Variants in ITGA9 observed in about 807,000 individuals in gnomAD.
ITGA9 encodes integrin subunit alpha 9.
In ITGA9, 56 loss-of-function variants were observed where a neutral mutation model predicts 127.8. That is an observed-to-expected ratio of 0.44 (90% CI 0.35 to 0.55). The LOEUF is 0.55. ITGA9 is among the 20% of genes least tolerant of loss of function. ITGA9 has a pLI of 0.00. For missense variants in ITGA9, 1,196 were observed against 1,347.1 expected (o/e 0.89, Z 1.76); for synonymous variants, 508 against 514.5 (o/e 0.99, Z 0.17).
intron 25 of ITGA9, among the ~76,000 whole-genome samples, chr3:37,783,065 G>A (rs973481684): frequency 1.3e-5 from 2 of 152,210 alleles, no homozygotes; most frequent in African/African-American, 4.8e-5. Context: ...CTTGAACCTG[G>A]GAGGTGGAGG....
intron 23 of ITGA9, chr3:37,754,028 ATCT>A (rs1169339338): frequency 6.6e-6 from 1 of 152,212 alleles, no homozygotes; most frequent in Admixed American, 6.5e-5. Context: ...AAGATAGATC[ATCT>A]TCTCAATTTT....
intron 4 of ITGA9, among the ~76,000 whole-genome samples, chr3:37,485,403 C>T (rs1192378601): frequency 6.6e-6 from 1 of 151,820 alleles, no homozygotes; most frequent in Admixed American, 6.6e-5. Flanking sequence ...GGGTTGAGGA[C>T]GGCTCTGCTG....
intron 18 of ITGA9, among the ~76,000 whole-genome samples, chr3:37,707,468 A>G (rs1440073020): frequency 2.6e-5 from 4 of 152,118 alleles, no homozygotes; most frequent in African/African-American, 9.7e-5. Flanking sequence ...AAGTACTTTG[A>G]AGGTTTGGGG....
intron 11 of ITGA9, among the ~76,000 whole-genome samples, chr3:37,522,436 A>T (rs1461003839): frequency 6.6e-6 from 1 of 152,184 alleles, no homozygotes; most frequent in Non-Finnish European, 1.5e-5. Context: ...TTAATGATGA[A>T]TAAGAAGTGA....
Position 37,819,051 on chromosome 3 carries a change from A to G in ITGA9, c.*62A>G, listed in dbSNP as rs1697478883. The G allele has an allele frequency of 8.1e-7, 1 of 1,231,738 alleles. No individual in the cohort carries two copies. The highest frequency in any genetic ancestry group is 1.2e-5 in the South Asian group (1 of 82,608). 76.3% of individuals were successfully genotyped at this position (1,231,738 alleles called of 1,614,324 possible). A position where few individuals can be genotyped will look rare whatever the true frequency, so the allele number is the denominator to read the frequency against. On this transcript the variant is annotated 3_prime_UTR_variant, in exon 28 of 28. Coordinates refer to ENST00000264741, the MANE Select transcript of ITGA9 (RefSeq NM_002207.3). ...GTCATCCTTGGTCTTTGTATCTTCC[A>G]TATTTGGAAGAAAAAAATCTTCTCC...
At chr3:37,664,808 A>G (rs559447899) in intron 17 of ITGA9, among the ~76,000 whole-genome samples, 33 of 152,178 alleles carry the variant, frequency 2.2e-4, no homozygotes, top group Admixed American at 1.2e-3. Flanking sequence ...CTAAAATGTA[A>G]TATCATCACT....
chr3:37,779,608 TA>T (rs370591960), intron 24 of ITGA9, among the ~76,000 whole-genome samples: 3,017 of 147,094 alleles, frequency 0.021, 83 homozygotes, highest in African/African-American at 0.069. Flanking sequence ...TTTGTGGGTT[TA>T]AAAAAAAAAA....
At chr3:37,767,199 T>C (rs540254069) in intron 23 of ITGA9, among the ~76,000 whole-genome samples, 162 of 152,326 alleles carry the variant, frequency 1.1e-3, no homozygotes, top group Non-Finnish European at 1.3e-3. Context: ...AAATTGTTCA[T>C]GAAATAATGG....
intron 14 of ITGA9, among the ~76,000 whole-genome samples, chr3:37,536,863 T>C (rs901492870): frequency 2.1e-4 from 32 of 152,250 alleles, no homozygotes; most frequent in African/African-American, 7.5e-4. Context: ...AAACAGGTCA[T>C]GGACGACCTG....
chr3:37,786,575 G>A (rs922790898), intron 26 of ITGA9, among the ~76,000 whole-genome samples: 8 of 151,892 alleles, frequency 5.3e-5, no homozygotes, highest in African/African-American at 1.9e-4. Context: ...CCTGGGCAAC[G>A]GAGTAAGACT....
intron 18 of ITGA9, 53 bp downstream of exon 18, chr3:37,684,068 T>C: frequency 2.8e-6 from 4 of 1,450,194 alleles, no homozygotes; most frequent in Non-Finnish European, 3.9e-6. Context: ...GTGCGCTTGC[T>C]GACTTTCATT....
At chr3:37,522,083 T>A (rs1016461594) in intron 11 of ITGA9, among the ~76,000 whole-genome samples, 2 of 152,102 alleles carry the variant, frequency 1.3e-5, no homozygotes, top group Non-Finnish European at 2.9e-5. Flanking sequence ...CTTCGTGACT[T>A]CTCTGCAGGA....
At chr3:37,785,994 G>A (rs1697036093) in intron 26 of ITGA9, among the ~76,000 whole-genome samples, 1 of 145,510 alleles carries the variant, frequency 6.9e-6, no homozygotes, top group Non-Finnish European at 1.5e-5. Flanking sequence ...GCCTTTTATT[G>A]TTGTTCTTGC....
chr3:37,737,262 G>T (rs571103710), intron 20 of ITGA9, among the ~76,000 whole-genome samples: 6 of 152,344 alleles, frequency 3.9e-5, no homozygotes, highest in South Asian at 2.1e-4. Flanking sequence ...CAGGCCCAGG[G>T]GGGTGAGGCT....
intron 26 of ITGA9, among the ~76,000 whole-genome samples, chr3:37,797,439 T>A (rs1483617554): frequency 2.0e-5 from 3 of 152,126 alleles, no homozygotes; most frequent in Admixed American, 6.5e-5. Flanking sequence ...TGGGATGCTA[T>A]AGGAGGTTGA....
chr3:37,797,026 G>A (rs1697181808), intron 26 of ITGA9, among the ~76,000 whole-genome samples: 1 of 152,142 alleles, frequency 6.6e-6, no homozygotes. Flanking sequence ...TCAGGTTAGG[G>A]AGGAACAGGG....
chr3:37,508,506 A>C (rs1326214460), intron 7 of ITGA9, 53 bp from the exon 8 acceptor site: 1 of 1,460,864 alleles, frequency 6.8e-7, no homozygotes, highest in South Asian at 1.1e-5. Flanking sequence ...GCTGATAAAT[A>C]TCTTTGATCA....
intron 26 of ITGA9, among the ~76,000 whole-genome samples, chr3:37,798,293 T>G (rs971039191): frequency 2.6e-5 from 4 of 152,238 alleles, no homozygotes; most frequent in Non-Finnish European, 5.9e-5. Flanking sequence ...TTCTGATTTT[T>G]TAACTTAGCA....
chr3:37,609,336 T>C (rs918702453), intron 15 of ITGA9, among the ~76,000 whole-genome samples: 3 of 152,230 alleles, frequency 2.0e-5, no homozygotes, highest in African/African-American at 7.2e-5. Context: ...TCTTGGCTTA[T>C]CTAAAGAAAA....
Sources: gnomAD v4.1 joint callset for allele counts (sites outside exome capture counted in the v4.1 genomes callset) on GRCh38, gnomAD v4.1.1 for gene constraint, MANE v1.5 for transcripts, NCBI Gene and HGNC (gene_info 2026-07-23, HGNC 2026-07-21) for gene names.